The following VPS54 variants were observed in gnomAD, a reference collection of about 807,000 sequenced individuals.
The protein encoded by VPS54 is vacuolar protein sorting-associated protein 54.
Under a neutral mutation model 121.5 loss-of-function variants are expected in VPS54, and 45 were observed. The observed-to-expected ratio is 0.37, with a 90% CI of 0.29 to 0.47. The LOEUF (loss-of-function observed/expected upper bound fraction) is 0.47. VPS54 is among the 20% of genes least tolerant of loss of function. The pLI is 0.99. For missense variants in VPS54, 1,090 were observed against 1,131.4 expected (o/e 0.96, Z 0.52); for synonymous variants, 371 against 385.8 (o/e 0.96, Z 0.45).
At chr2:63,910,324 TGGC>T (rs1673094031) in intron 20 of VPS54, among the ~76,000 whole-genome samples, 1 of 152,208 alleles carries the variant, frequency 6.6e-6, no homozygotes, top group Admixed American at 6.5e-5. Context: ...TATAAAAGCC[TGGC>T]CATATTCTTC....
At chr2:63,965,175 T>C (rs750504708) in intron 6 of VPS54, among the ~76,000 whole-genome samples, 1 of 152,108 alleles carries the variant, frequency 6.6e-6, no homozygotes, top group African/African-American at 2.4e-5. Context: ...AAATCATTCT[T>C]ATAAAATTAG....
intron 3 of VPS54, among the ~76,000 whole-genome samples, chr2:63,975,853 G>A (rs149440633): frequency 2.3e-3 from 357 of 152,302 alleles, no homozygotes; most frequent in Non-Finnish European, 3.9e-3. Flanking sequence ...AGCAGGCAAG[G>A]TGAACCCATT....
chr2:63,907,088 T>C (rs1672933049), intron 20 of VPS54, among the ~76,000 whole-genome samples: 2 of 152,090 alleles, frequency 1.3e-5, no homozygotes, highest in Admixed American at 1.3e-4. Context: ...GCTGGAACTA[T>C]GAAAAATGAA....
chr2:63,938,537 T>A (rs1395440674), intron 11 of VPS54, among the ~76,000 whole-genome samples: 2 of 151,576 alleles, frequency 1.3e-5, no homozygotes, highest in African/African-American at 4.9e-5. Context: ...CAATCTTGGC[T>A]CACTGCAACC....
chr2:63,993,856 T>A (rs1210396204), intron 1 of VPS54, among the ~76,000 whole-genome samples: 1 of 152,206 alleles, frequency 6.6e-6, no homozygotes, highest in Non-Finnish European at 1.5e-5. Flanking sequence ...GTTATGTAGG[T>A]CCTACAAACA....
chr2:63,913,983 G>A, intron 17 of VPS54, 199 bp downstream of exon 17: 1 of 1,267,392 alleles, frequency 7.9e-7, no homozygotes, highest in South Asian at 1.7e-5. Context: ...GGGTGAATGA[G>A]GATCACTAAC....
chr2:63,931,983 G>A (rs181091526), intron 12 of VPS54, among the ~76,000 whole-genome samples: 10 of 152,184 alleles, frequency 6.6e-5, no homozygotes, highest in South Asian at 4.1e-4. Flanking sequence ...TTAGAATGGC[G>A]ATCACTACAA....
chr2:63,924,319 GC>G (rs1673795704), intron 12 of VPS54, among the ~76,000 whole-genome samples: 1 of 152,180 alleles, frequency 6.6e-6, no homozygotes, highest in African/African-American at 2.4e-5. Flanking sequence ...AATTATTCTG[GC>G]CACTAGGATG....
At chr2:63,933,089 A>G (rs1173150053) in intron 12 of VPS54, among the ~76,000 whole-genome samples, 1 of 152,162 alleles carries the variant, frequency 6.6e-6, no homozygotes, top group Non-Finnish European at 1.5e-5. Flanking sequence ...AATGTGGTAA[A>G]GTATTAACAC....
At chr2:63,976,825 C>CTTTTT (rs1174931536) in intron 3 of VPS54, among the ~76,000 whole-genome samples, 27 of 89,676 alleles carry the variant, frequency 3.0e-4, no homozygotes, top group East Asian at 6.0e-4. Flanking sequence ...TATATCTTCT[C>CTTTTT]TTTTTTTTTT....
At position 64,014,382 on chromosome 2, in the gene VPS54, A is replaced by G. The variant is rs560098713; in HGVS notation, c.-21+4556T>C. Among the ~76,000 whole-genome samples, 9 of 152,320 alleles carry G rather than the reference A, an allele frequency of 5.9e-5. No homozygotes were observed. The South Asian group carries it at 1.7e-3, about 28-fold the overall frequency. On this transcript the variant is annotated intron_variant, in intron 1 of 22. Coordinates refer to ENST00000272322, the MANE Select transcript of VPS54 (RefSeq NM_016516.3). ...ATATTTTCAAGTCTTCTCAAATAGC[A>G]TATTTGAAAACAAGGTAATCTTTTC...
intron 1 of VPS54, among the ~76,000 whole-genome samples, chr2:64,009,729 G>T (rs561979269): frequency 6.6e-6 from 1 of 152,128 alleles, no homozygotes; most frequent in African/African-American, 2.4e-5. Flanking sequence ...TTTCAAGAAA[G>T]TTTGAGCCCA....
intron 1 of VPS54, among the ~76,000 whole-genome samples, chr2:63,993,885 A>G (rs1184813635): frequency 6.6e-6 from 1 of 152,152 alleles, no homozygotes; most frequent in African/African-American, 2.4e-5. Flanking sequence ...TCTACCCCTT[A>G]TACCTCTGCT....
intron 1 of VPS54, among the ~76,000 whole-genome samples, chr2:63,992,217 G>C (rs1194711574): frequency 1.3e-5 from 2 of 152,198 alleles, no homozygotes; most frequent in African/African-American, 4.8e-5. Context: ...CCCTGGAAGG[G>C]GCTCCAGCAG....
intron 1 of VPS54, among the ~76,000 whole-genome samples, chr2:64,016,156 T>C (rs1017377395): frequency 6.6e-6 from 1 of 152,180 alleles, no homozygotes; most frequent in African/African-American, 2.4e-5. Flanking sequence ...TTCCCTGATA[T>C]TCTAATATTC....
At chr2:64,009,300 A>G (rs1678318723) in intron 1 of VPS54, among the ~76,000 whole-genome samples, 2 of 152,046 alleles carry the variant, frequency 1.3e-5, no homozygotes, top group South Asian at 4.2e-4. Context: ...TCCAAAAGAA[A>G]AAAGATACTA....
At chr2:63,938,429 T>A (rs183400447) in intron 11 of VPS54, among the ~76,000 whole-genome samples, 1 of 152,170 alleles carries the variant, frequency 6.6e-6, no homozygotes, top group East Asian at 1.9e-4. Flanking sequence ...AAGGCAGGAT[T>A]AGAGGACTGG....
chr2:63,965,957 T>C lies in VPS54; in HGVS notation c.502A>G (p.Lys168Glu). ...GAATCATCCAAGGCAAAATCTGGTT[T>C]CATAAAAATCTATTAAAAAAATGCA... ...DLEQVPKIFM[K>E]PDFALDDSLT... The change falls in exon 6 of 23, where the codon AAA becomes GAA. Residue 168 changes from lysine to glutamate, a missense_variant. By Grantham distance (56) the Lys-to-Glu change is moderately conservative (BLOSUM62 1). Coordinates refer to ENST00000272322, the MANE Select transcript of VPS54 (RefSeq NM_016516.3). 6.2e-7 allele frequency: 1 copy of C among 1,602,718 alleles called. No individual in the cohort carries two copies. The highest frequency in any genetic ancestry group is 8.5e-7 in the Non-Finnish European group (1 of 1,177,144).
chr2:63,930,465 C>G (rs1299763903), intron 12 of VPS54, among the ~76,000 whole-genome samples: 1 of 152,102 alleles, frequency 6.6e-6, no homozygotes, highest in African/African-American at 2.4e-5. Flanking sequence ...ATTCAACAGC[C>G]TTTCATGCTA....
Sources: gnomAD v4.1 joint callset for allele counts (sites outside exome capture counted in the v4.1 genomes callset) on GRCh38, gnomAD v4.1.1 for gene constraint, MANE v1.5 for transcripts, NCBI Gene and HGNC (gene_info 2026-07-23, HGNC 2026-07-21) for gene names.